AGBL1: variants seen among roughly 807,000 people sequenced by gnomAD.
AGBL1 encodes cytosolic carboxypeptidase 4.
A neutral mutation model predicts 118.9 loss-of-function variants in AGBL1; 130 were observed. The ratio of observed to expected loss-of-function variants is 1.09; its 90% CI spans 0.95 to 1.26. AGBL1 has a LOEUF of 1.26. Ranked by LOEUF, AGBL1 falls within the 50% of genes most tolerant of loss-of-function variation. The pLI is 0.00. For synonymous variants in AGBL1, 555 were observed against 478.9 expected (o/e 1.16, Z -2.08); for missense variants, 1,584 against 1,298.1 (o/e 1.22, Z -3.38).
At chr15:86,897,032 A>G (rs1004649113) in intron 22 of AGBL1, among the ~76,000 whole-genome samples, 20 of 152,162 alleles carry the variant, frequency 1.3e-4, no homozygotes, top group Non-Finnish European at 2.6e-4. Context: ...TTGCAAAACA[A>G]TTTGGCTTTT....
chr15:86,971,997 A>G (rs1007352584), intron 23 of AGBL1, among the ~76,000 whole-genome samples: 2 of 152,004 alleles, frequency 1.3e-5, no homozygotes, highest in Admixed American at 1.3e-4. Flanking sequence ...ACCTTCTGCC[A>G]TGATTCTAAG....
At chr15:86,527,342 G>A (rs1031860147) in intron 19 of AGBL1, among the ~76,000 whole-genome samples, 1 of 152,096 alleles carries the variant, frequency 6.6e-6, no homozygotes, top group African/African-American at 2.4e-5. Context: ...AAGCATGACA[G>A]GTGAAAGCCT....
At position 86,874,217 on chromosome 15, in the gene AGBL1, A is replaced by G. The variant is rs545150035; in HGVS notation, c.3159-32870A>G. ...GTCAATATTTTCCAATCCATTCCAC[A>G]GGGCATGGTAACTGTCCCAAGAGTT... On this transcript the variant is annotated intron_variant, in intron 22 of 22. Coordinates refer to ENST00000614907, the MANE Select transcript of AGBL1 (RefSeq NM_001386094.1). Among the ~76,000 whole-genome samples, 4 of 152,316 alleles carry G rather than the reference A, an allele frequency of 2.6e-5. No homozygotes were observed. In the South Asian group the frequency reaches 8.3e-4, roughly 32 times the overall value.
chr15:86,261,024 T>G (rs1597641349), intron 9 of AGBL1, among the ~76,000 whole-genome samples: 2 of 152,244 alleles, frequency 1.3e-5, no homozygotes, highest in South Asian at 4.1e-4. Flanking sequence ...GCTGTTGCAC[T>G]GAGAAAACAA....
chr15:86,439,518 G>A (rs1163504946), intron 18 of AGBL1, among the ~76,000 whole-genome samples: 1 of 152,150 alleles, frequency 6.6e-6, no homozygotes, highest in African/African-American at 2.4e-5. Flanking sequence ...CCAAGGCTTA[G>A]TATTTAATGT....
At chr15:86,344,216 G>A (rs146613668) in intron 17 of AGBL1, among the ~76,000 whole-genome samples, 5 of 152,270 alleles carry the variant, frequency 3.3e-5, no homozygotes, top group South Asian at 4.1e-4. Flanking sequence ...ATTGTACCAC[G>A]GGCCTTAGAA....
intron 20 of AGBL1, among the ~76,000 whole-genome samples, chr15:86,553,525 A>T (rs2083690974): frequency 6.6e-6 from 1 of 152,220 alleles, no homozygotes. Flanking sequence ...GACGAAAAAG[A>T]TCATTCTGGC....
chr15:86,284,824 G>C lies in AGBL1; in HGVS notation c.2220+5041G>C, dbSNP rs115827458. On this transcript the variant is annotated intron_variant, in intron 16 of 22. Transcript: ENST00000614907. ...AAGGGAGTAGTTGATAAAGGAAAGG[G>C]AGACTGAGGACTCCTGTGGAGAGAC... 4.0e-3 allele frequency among the ~76,000 whole-genome samples: 610 copies of C among 152,328 alleles called. 7 individuals carry two copies. The highest frequency in any genetic ancestry group is 0.014 in the African/African-American group (565 of 41,574).
intron 21 of AGBL1, among the ~76,000 whole-genome samples, chr15:86,642,690 T>C (rs1567099140): frequency 1.3e-5 from 2 of 152,114 alleles, no homozygotes; most frequent in South Asian, 4.1e-4. Flanking sequence ...TTATTGATGG[T>C]GAATTATTCC....
intron 13 of AGBL1, among the ~76,000 whole-genome samples, chr15:86,267,302 C>T (rs2079090067): frequency 2.3e-5 from 1 of 42,704 alleles, no homozygotes. Context: ...GTACTGATAT[C>T]ATAGCTACAC....
chr15:86,427,977 G>C (rs1159952723), intron 18 of AGBL1, among the ~76,000 whole-genome samples: 1 of 152,160 alleles, frequency 6.6e-6, no homozygotes, highest in Non-Finnish European at 1.5e-5. Context: ...AAATGGGATA[G>C]ATCTTAAATA....
At chr15:86,464,782 G>A (rs1468732317) in intron 18 of AGBL1, among the ~76,000 whole-genome samples, 3 of 152,140 alleles carry the variant, frequency 2.0e-5, no homozygotes, top group African/African-American at 7.2e-5. Context: ...GCATCCCAGG[G>A]ATGAAGCTGA....
At chr15:86,988,222 C>T in intron 24 of AGBL1, 1 of 1,107,072 alleles carries the variant, frequency 9.0e-7, no homozygotes, top group Non-Finnish European at 1.3e-6. Flanking sequence ...AACAACATAC[C>T]CTTCAGCTTT....
chr15:86,661,067 C>T (rs969859320), intron 21 of AGBL1, among the ~76,000 whole-genome samples: 3 of 152,136 alleles, frequency 2.0e-5, no homozygotes, highest in Non-Finnish European at 4.4e-5. Flanking sequence ...ACCTTTAAAA[C>T]ACTGTGCAGG....
At chr15:86,305,023 C>T (rs1479879663) in intron 17 of AGBL1, 1 of 152,118 alleles carries the variant, frequency 6.6e-6, no homozygotes, top group Non-Finnish European at 1.5e-5. Flanking sequence ...CTTTCTCTTT[C>T]AGGATTCTTA....
chr15:86,918,913 C>T (rs749940908), downstream of AGBL1, among the ~76,000 whole-genome samples: 1 of 152,168 alleles, frequency 6.6e-6, no homozygotes, highest in Non-Finnish European at 1.5e-5. Context: ...GGTGTCTGCT[C>T]TGGTTCAGGA....
At chr15:86,606,434 C>T (rs1027400452) in intron 21 of AGBL1, among the ~76,000 whole-genome samples, 1 of 152,054 alleles carries the variant, frequency 6.6e-6, no homozygotes. Flanking sequence ...AGTTACACTC[C>T]AGGGAAGGGA....
At chr15:87,003,611 CT>C (rs1044954001) in intron 24 of AGBL1, among the ~76,000 whole-genome samples, 6 of 152,022 alleles carry the variant, frequency 3.9e-5, no homozygotes, top group African/African-American at 1.2e-4. Flanking sequence ...TGGTCCTGGA[CT>C]TTTTTTGGTT....
intron 18 of AGBL1, among the ~76,000 whole-genome samples, chr15:86,416,105 G>A (rs1026460600): frequency 7.2e-5 from 11 of 152,056 alleles, no homozygotes; most frequent in African/African-American, 2.2e-4. Context: ...TACCCCCTCA[G>A]ACAGTTCATG....
Sources: allele counts gnomAD v4.1 joint callset (sites outside exome capture counted in the v4.1 genomes callset), GRCh38; gene constraint gnomAD v4.1.1; transcripts MANE v1.5; gene names NCBI Gene and HGNC (gene_info 2026-07-23, HGNC 2026-07-21).